FHOD3: variants seen among roughly 807,000 people sequenced by gnomAD.
The protein encoded by FHOD3 is formin homology 2 domain containing 3, also known as FH1/FH2 domain-containing protein 3.
In FHOD3, 90 loss-of-function variants were observed where a neutral mutation model predicts 173.0. The observed-to-expected ratio is 0.52, with a 90% CI of 0.44 to 0.62. The LOEUF is 0.62. Ranked by LOEUF, FHOD3 falls within the 20% of genes least tolerant of loss-of-function variation. The pLI is 0.00. For synonymous variants in FHOD3, 828 were observed against 823.0 expected, an observed-to-expected ratio of 1.01 and a Z score of -0.10; for missense variants, 1,945 against 2,034.7, an observed-to-expected ratio of 0.96 and a Z score of 0.85.
intron 10 of FHOD3, among the ~76,000 whole-genome samples, chr18:36,628,998 A>G (rs2034312962): frequency 6.6e-6 from 1 of 152,240 alleles, no homozygotes; most frequent in African/African-American, 2.4e-5. Context: ...TCCAAACTAT[A>G]GAAGTAATTT....
At chr18:36,441,992 A>G (rs1393851643) in intron 3 of FHOD3, among the ~76,000 whole-genome samples, 3 of 152,244 alleles carry the variant, frequency 2.0e-5, no homozygotes, top group Admixed American at 2.0e-4. Context: ...TTGGAATAGA[A>G]TAATAAATTA....
intron 8 of FHOD3, among the ~76,000 whole-genome samples, chr18:36,604,432 C>A (rs1403414028): frequency 2.0e-5 from 3 of 152,172 alleles, no homozygotes; most frequent in African/African-American, 7.2e-5. Flanking sequence ...TGTAGTGTGG[C>A]CCCTTCCTCA....
At chr18:36,501,377 G>A (rs1168501507) in intron 3 of FHOD3, among the ~76,000 whole-genome samples, 1 of 152,164 alleles carries the variant, frequency 6.6e-6, no homozygotes, top group African/African-American at 2.4e-5. Flanking sequence ...GCTGCCTAGG[G>A]AACCCTAGGG....
chr18:36,757,992 C>T lies in FHOD3; in HGVS notation c.4426-1126C>T, dbSNP rs562072290. Among the ~76,000 whole-genome samples the T allele has an allele frequency of 2.6e-5, 4 of 152,194 alleles. No homozygotes were observed. The East Asian group carries it at 7.7e-4, about 29-fold the overall frequency. On this transcript the variant is annotated intron_variant, in intron 25 of 28. Transcript: ENST00000590592. Reference sequence around the variant, plus strand: ...CCTTAACCCTTCTCAATGCCAGCTTCCTCTTCTATAGAAAGGGAATGATGA... The same window carrying T: ...CCTTAACCCTTCTCAATGCCAGCTTTCTCTTCTATAGAAAGGGAATGATGA...
intron 16 of FHOD3, among the ~76,000 whole-genome samples, chr18:36,690,361 C>T (rs916594328): frequency 1.3e-5 from 2 of 152,088 alleles, no homozygotes; most frequent in Non-Finnish European, 2.9e-5. Flanking sequence ...ATAGAAAGCC[C>T]GGTGCTTCCC....
intron 6 of FHOD3, among the ~76,000 whole-genome samples, chr18:36,585,743 C>T (rs540444332): frequency 6.6e-6 from 1 of 152,170 alleles, no homozygotes; most frequent in Non-Finnish European, 1.5e-5. Context: ...TAAGGGTGCA[C>T]CTTTGACTCT....
In FHOD3 at chr18:36,555,070, G is replaced by A. The variant is rs9807446; in HGVS notation, c.512-21381G>A. On this transcript the variant is annotated intron_variant, in intron 5 of 28. Coordinates refer to ENST00000590592, the MANE Select transcript of FHOD3 (RefSeq NM_001281740.3). The stretch of plus-strand genomic sequence containing the variant: ...TCTCCTCTGATATTTATTATTACCC[G>A]TATTTTGTGTACCATGGGATTAACC... Among the ~76,000 whole-genome samples the A allele has an allele frequency of 7.6e-3, 1,158 of 151,726 alleles. 10 individuals are homozygous for A. Among genetic ancestry groups the A allele is most frequent in the African/African-American group, 0.026 (1,088 of 41,366 alleles).
chr18:36,640,199 A>G (rs1054672236), intron 10 of FHOD3, among the ~76,000 whole-genome samples: 3 of 152,186 alleles, frequency 2.0e-5, no homozygotes, highest in Admixed American at 6.5e-5. Flanking sequence ...TTCCTGTCTA[A>G]CTTTGGGTTC....
rs1013817038 is a variant in FHOD3, at chr18:36,534,765, G to C, written c.511+22222G>C. On this transcript the variant is annotated intron_variant, in intron 5 of 28. Transcript: ENST00000590592. ...GCTTGCCTTTCCCCTGTTTTACAAA[G>C]CGCTGCTGAACCAGGTGGCTCTGGA... Among the ~76,000 whole-genome samples the C allele has an allele frequency of 2.0e-5, 3 of 152,192 alleles. No homozygotes were observed. In the South Asian group the frequency reaches 6.2e-4, roughly 32 times the overall value.
At chr18:36,466,744 G>A (rs756857247) in intron 3 of FHOD3, among the ~76,000 whole-genome samples, 18 of 152,140 alleles carry the variant, frequency 1.2e-4, no homozygotes, top group Admixed American at 1.3e-4. Flanking sequence ...CCTTATCTGA[G>A]GTCTGTGTGC....
intron 2 of FHOD3, among the ~76,000 whole-genome samples, chr18:36,372,057 G>A (rs1223865592): frequency 6.6e-6 from 1 of 152,210 alleles, no homozygotes; most frequent in Non-Finnish European, 1.5e-5. Flanking sequence ...GGAACCTGGG[G>A]AGGTCTGCCC....
intron 3 of FHOD3, among the ~76,000 whole-genome samples, chr18:36,474,751 C>G (rs1400247251): frequency 1.3e-5 from 2 of 152,070 alleles, no homozygotes; most frequent in East Asian, 1.9e-4. Context: ...ACTGATGCAG[C>G]CTGAGCTCCT....
chr18:36,638,811 A>AC (rs1441957973), intron 10 of FHOD3, among the ~76,000 whole-genome samples: 15 of 151,980 alleles, frequency 9.9e-5, no homozygotes, highest in African/African-American at 3.1e-4. Context: ...AGTGTCAGTC[A>AC]CCCCCATTGC....
chr18:36,392,432 G>A (rs9963237), intron 3 of FHOD3, among the ~76,000 whole-genome samples: 7,258 of 152,258 alleles, frequency 0.048, 582 homozygotes, highest in African/African-American at 0.16. Context: ...AAGTTTCCCT[G>A]AAGTGCTGAT....
At chr18:36,567,004 C>T (rs1392494233) in intron 5 of FHOD3, among the ~76,000 whole-genome samples, 1 of 152,180 alleles carries the variant, frequency 6.6e-6, no homozygotes, top group Non-Finnish European at 1.5e-5. Flanking sequence ...ATTTTTACAA[C>T]TTTCTAGTGG....
intron 1 of FHOD3, among the ~76,000 whole-genome samples, chr18:36,351,445 A>G (rs1182547332): frequency 6.6e-6 from 1 of 152,092 alleles, no homozygotes; most frequent in African/African-American, 2.4e-5. Flanking sequence ...ACGTCCACCC[A>G]TTTTGACAGT....
intron 1 of FHOD3, among the ~76,000 whole-genome samples, chr18:36,342,316 C>A (rs1024958388): frequency 6.6e-6 from 1 of 151,836 alleles, no homozygotes; most frequent in African/African-American, 2.4e-5. Flanking sequence ...AGTTAATGGC[C>A]AATTTTCTAA....
chr18:36,464,655 A>G (rs964041939), intron 3 of FHOD3, among the ~76,000 whole-genome samples: 3 of 151,868 alleles, frequency 2.0e-5, no homozygotes, highest in African/African-American at 7.2e-5. Context: ...GCAAGTGGAG[A>G]AAGAGAGGGA....
intron 2 of FHOD3, among the ~76,000 whole-genome samples, chr18:36,369,129 C>T (rs1192483367): frequency 6.6e-6 from 1 of 152,196 alleles, no homozygotes; most frequent in East Asian, 1.9e-4. Flanking sequence ...GGGAGTATGC[C>T]TGTGATTCTT....
Sources: allele counts gnomAD v4.1 joint callset (sites outside exome capture counted in the v4.1 genomes callset), GRCh38; gene constraint gnomAD v4.1.1; transcripts MANE v1.5; gene names NCBI Gene and HGNC (gene_info 2026-07-23, HGNC 2026-07-21).